Variants in DMD observed in about 807,000 individuals in gnomAD.
The protein encoded by DMD is dystrophin, also known as mutant dystrophin.
A neutral mutation model predicts 330.1 loss-of-function variants in DMD; 63 were observed. The observed-to-expected ratio is 0.19, with a 90% CI of 0.16 to 0.24. The LOEUF is 0.24. Ranked by LOEUF, DMD falls within the 10% of genes least tolerant of loss-of-function variation. DMD has a pLI of 1.00. For missense variants in DMD, 3,344 were observed against 2,684.1 expected (o/e 1.25, Z -5.43); for synonymous variants, 1,223 against 959.8 (o/e 1.27, Z -5.07).
chrX:32,184,169 T>A lies in DMD; in HGVS notation c.6438+32747A>T, dbSNP rs953142788. Among the ~76,000 whole-genome samples, 24 of 33,689 alleles carry A rather than the reference T, an allele frequency of 7.1e-4. No individual in the cohort carries two copies. In the East Asian group the frequency reaches 0.01, roughly 15 times the overall value. 29.3% of individuals were successfully genotyped at this position (33,689 alleles called of 115,157 possible). On this transcript the variant is annotated intron_variant, in intron 44 of 78. Coordinates refer to ENST00000357033, the MANE Select transcript of DMD (RefSeq NM_004006.3). The stretch of plus-strand genomic sequence containing the variant: ...AACAGTATGTATACACAATGAGTGT[T>A]TTTTTTCTGTTACTGTAAGTCCTAA...
At chrX:32,232,044 A>C (rs1450013057) in intron 43 of DMD, among the ~76,000 whole-genome samples, 1 of 111,840 alleles carries the variant, frequency 8.9e-6, no homozygotes, top group African/African-American at 3.2e-5. Flanking sequence ...TGGCATTAAC[A>C]GAAAATTAGT....
At chrX:33,170,797 T>C (rs377649926) in intron 1 of DMD, among the ~76,000 whole-genome samples, 1 of 111,773 alleles carries the variant, frequency 8.9e-6, no homozygotes, top group Admixed American at 9.5e-5. Context: ...ATGGATGTGA[T>C]TTCTGTAAGA....
intron 55 of DMD, among the ~76,000 whole-genome samples, chrX:31,558,829 G>C (rs1322791229): frequency 1.8e-5 from 2 of 110,861 alleles, no homozygotes; most frequent in Non-Finnish European, 3.8e-5. Flanking sequence ...AAAGGGTCAA[G>C]TAGAATGCCT....
intron 27 of DMD, among the ~76,000 whole-genome samples, chrX:32,445,570 A>G (rs1046204720): frequency 9.0e-6 from 1 of 110,933 alleles, no homozygotes; most frequent in African/African-American, 3.3e-5. Flanking sequence ...TTAATAACTA[A>G]AAGTGAATAA....
At chrX:32,685,611 C>T (rs1350609158) in intron 9 of DMD, among the ~76,000 whole-genome samples, 1 of 111,703 alleles carries the variant, frequency 9.0e-6, no homozygotes, top group Non-Finnish European at 1.9e-5. Flanking sequence ...ATACATACCT[C>T]TCATCATTGG....
At chrX:31,155,644 G>A (rs1294585184) in intron 74 of DMD, among the ~76,000 whole-genome samples, 1 of 111,371 alleles carries the variant, frequency 9.0e-6, no homozygotes, top group African/African-American at 3.3e-5. Flanking sequence ...AATTCTGCAA[G>A]CAAGATGAAC....
At chrX:32,398,989 G>A (rs2098066631) in intron 30 of DMD, among the ~76,000 whole-genome samples, 1 of 111,858 alleles carries the variant, frequency 8.9e-6, no homozygotes, top group African/African-American at 3.2e-5. Flanking sequence ...ACACTTTGGG[G>A]AAAGGAGTCC....
At chrX:32,205,467 T>A (rs1274128331) in intron 44 of DMD, among the ~76,000 whole-genome samples, 4 of 110,015 alleles carry the variant, frequency 3.6e-5, no homozygotes, top group Non-Finnish European at 7.6e-5. Flanking sequence ...ACTCTTTGGG[T>A]TGCCTCTGCT....
intron 1 of DMD, among the ~76,000 whole-genome samples, chrX:33,201,905 AC>A (rs1348167836): frequency 8.9e-6 from 1 of 112,018 alleles, no homozygotes; most frequent in Non-Finnish European, 1.9e-5. Flanking sequence ...TTACAAACAA[AC>A]CAGGGCTGCA....
intron 55 of DMD, among the ~76,000 whole-genome samples, chrX:31,561,861 A>G (rs2178614): frequency 0.027 from 2,979 of 111,961 alleles, 33 homozygotes; most frequent in Non-Finnish European, 0.035. Context: ...CCTTGTCCAT[A>G]TACATATTCA....
At chrX:32,308,708 T>C (rs906691433) in intron 42 of DMD, among the ~76,000 whole-genome samples, 7 of 111,148 alleles carry the variant, frequency 6.3e-5, no homozygotes, top group Non-Finnish European at 1.3e-4. Flanking sequence ...ACTGTGAGTG[T>C]AGCCAAGGGT....
At chrX:33,239,135 TA>T (rs1382569497) in intron 1 of DMD, among the ~76,000 whole-genome samples, 1 of 107,309 alleles carries the variant, frequency 9.3e-6, no homozygotes, top group Admixed American at 1.0e-4. Context: ...TGGGCGCCTG[TA>T]ATCCCAGCTA....
intron 3 of DMD, among the ~76,000 whole-genome samples, chrX:32,845,621 A>G (rs2148989048): frequency 9.0e-6 from 1 of 111,259 alleles, no homozygotes; most frequent in African/African-American, 3.3e-5. Context: ...TACCATCAAC[A>G]ATGACGTTCC....
chrX:33,170,155 A>T (rs2049265511), intron 1 of DMD, among the ~76,000 whole-genome samples: 1 of 111,376 alleles, frequency 9.0e-6, no homozygotes, highest in African/African-American at 3.2e-5. Context: ...TTACATAAAG[A>T]TTATCAACTG....
intron 43 of DMD, among the ~76,000 whole-genome samples, chrX:32,221,638 T>A (rs1468069302): frequency 8.9e-6 from 1 of 111,816 alleles, no homozygotes; most frequent in Non-Finnish European, 1.9e-5. Context: ...AAATCAGATA[T>A]TTTAGTGCAC....
chrX:31,587,194 A>AAAATC (rs753989080), intron 55 of DMD, among the ~76,000 whole-genome samples: 2,187 of 111,980 alleles, frequency 0.02, 51 homozygotes, highest in African/African-American at 0.063. Context: ...TTTATTTAAA[A>AAAATC]AAATCAGTTG....
intron 44 of DMD, among the ~76,000 whole-genome samples, chrX:32,180,977 A>G (rs779489395): frequency 9.0e-6 from 1 of 111,609 alleles, no homozygotes; most frequent in Admixed American, 9.5e-5. Flanking sequence ...GGATCCATCA[A>G]ATCCCAGGAT....
intron 44 of DMD, among the ~76,000 whole-genome samples, chrX:32,068,411 G>T (rs2096275094): frequency 1.2e-5 from 1 of 85,855 alleles, no homozygotes; most frequent in Admixed American, 1.4e-4. Context: ...TTGCTTTTAA[G>T]GACTTAGTCA....
At chrX:32,794,490 G>A (rs2148652256) in intron 7 of DMD, among the ~76,000 whole-genome samples, 1 of 111,783 alleles carries the variant, frequency 8.9e-6, no homozygotes, top group South Asian at 3.8e-4. Flanking sequence ...TCGGGAGGCT[G>A]AGGCAAGAGA....
Sources: allele counts gnomAD v4.1 joint callset (sites outside exome capture counted in the v4.1 genomes callset), GRCh38; gene constraint gnomAD v4.1.1; transcripts MANE v1.5; gene names NCBI Gene and HGNC (gene_info 2026-07-23, HGNC 2026-07-21).